PI4K2A: variants seen among roughly 807,000 people sequenced by gnomAD.
The protein encoded by PI4K2A is phosphatidylinositol 4-kinase type 2-alpha.
PI4K2A carries 20 observed loss-of-function variants against 55.0 expected under a neutral mutation model. The ratio of observed to expected loss-of-function variants is 0.36; its 90% CI spans 0.26 to 0.53. The LOEUF (loss-of-function observed/expected upper bound fraction) is 0.53, where lower values mean the gene tolerates loss of function less well. Ranked by LOEUF, PI4K2A falls within the 20% of genes least tolerant of loss-of-function variation. The probability of loss-of-function intolerance (pLI) is 0.91; values close to 1 mark genes in which losing one functional copy is unlikely to be tolerated. For missense variants in PI4K2A, 463 were observed against 637.1 expected (o/e 0.73, Z 2.94); for synonymous variants, 235 against 258.5 (o/e 0.91, Z 0.87).
intron 1 of PI4K2A, among the ~76,000 whole-genome samples, chr10:97,642,924 C>CCTTCCTTCCTTCCTTT (rs1554878143): frequency 8.8e-6 from 1 of 113,536 alleles, no homozygotes; most frequent in Non-Finnish European, 1.8e-5. Flanking sequence ...TTCCTTCCTT[C>CCTTCCTTCCTTCCTTT]CTTTCTTTCC....
At position 97,656,010 on chromosome 10, in the gene PI4K2A, C is replaced by T. The variant is rs902597024; in HGVS notation, c.637-275C>T. 6.6e-6 allele frequency among the ~76,000 whole-genome samples: 1 copy of T among 152,180 alleles called. No individual in the cohort carries two copies. The highest frequency in any genetic ancestry group is 2.4e-5 in the African/African-American group (1 of 41,446). On this transcript the variant is annotated intron_variant, in intron 2 of 8. Coordinates refer to ENST00000370631, the Ensembl canonical transcript of PI4K2A. This position sits in a 1 kb window ranked among gnomAD's most constrained non-coding sequence, Gnocchi z 4.5. ...TCTGCTATTTCCCAGCCCTTCTTTC[C>T]TAGCTGCACAGACTGGAGAATGTGA...
chr10:97,657,083 ATGTGTAGTTTTCAGAAG>A, intron 4 of PI4K2A, 109 bp downstream of exon 4: 1 of 1,061,214 alleles, frequency 9.4e-7, no homozygotes, highest in Non-Finnish European at 1.4e-6. Context: ...CAGACACATC[ATGTGTAGTTTTCAGAAG>A]TGGTGAGGCC....
At position 97,656,261 on chromosome 10, in the gene PI4K2A, AG is replaced by A. The variant is rs1407586048; in HGVS notation, c.637-23del. 6.2e-7 allele frequency: 1 copy of A among 1,603,288 alleles called. No individual in the cohort carries two copies. The highest frequency in any genetic ancestry group is 1.3e-5 in the African/African-American group (1 of 74,722). On this transcript the variant is annotated intron_variant, in intron 2 of 8. Coordinates refer to ENST00000370631, the Ensembl canonical transcript of PI4K2A. This position sits in a 1 kb window ranked among gnomAD's most constrained non-coding sequence, Gnocchi z 4.5. The stretch of plus-strand genomic sequence containing the variant: ...GTTCCTTAAACTTGACTCTAACCTT[AG>A]TATCTCTTCTCTTTCACTGTAGGTA...
chr10:97,642,850 C>CTTTCTTTCTGT (rs1491531542), intron 1 of PI4K2A, among the ~76,000 whole-genome samples: 1 of 80,344 alleles, frequency 1.2e-5, no homozygotes, highest in Non-Finnish European at 2.7e-5. Context: ...TTCCTTCCTT[C>CTTTCTTTCTGT]CTTTCTTTCT....
At chr10:97,673,255 T>C (rs903418891) in intron 8 of PI4K2A, among the ~76,000 whole-genome samples, 1 of 152,116 alleles carries the variant, frequency 6.6e-6, no homozygotes, top group African/African-American at 2.4e-5. Flanking sequence ...CCTCCCAAAG[T>C]GCTGGGATTA....
chr10:97,660,186 A>G lies in PI4K2A; in HGVS notation c.923-2721A>G, dbSNP rs1204022735. On this transcript the variant is annotated intron_variant, in intron 4 of 8. Coordinates refer to ENST00000370631, the Ensembl canonical transcript of PI4K2A. ...CCGGCTAATTTTTTGTATTTTTAGT[A>G]GAGATGGGGTTTCACCGTGTTAGCC... Among the ~76,000 whole-genome samples the G allele has an allele frequency of 2.0e-5, 3 of 148,518 alleles. No homozygotes were observed. In the East Asian group the frequency reaches 5.9e-4, roughly 29 times the overall value.
chr10:97,645,531 C>G (rs893929627), intron 1 of PI4K2A, among the ~76,000 whole-genome samples: 5 of 150,164 alleles, frequency 3.3e-5, no homozygotes, highest in Non-Finnish European at 5.9e-5. Flanking sequence ...TGGCGTGAAC[C>G]CGGGAGGCGG....
intron 4 of PI4K2A, among the ~76,000 whole-genome samples, chr10:97,658,674 T>C (rs1437610345): frequency 6.6e-6 from 1 of 152,248 alleles, no homozygotes; most frequent in Non-Finnish European, 1.5e-5. Flanking sequence ...CGAGGGTTCC[T>C]TCCAATTTCT....
exon 1 of PI4K2A, chr10:97,640,988 G>GGCTCTGGCC (rs1225232130): frequency 1.3e-6 from 2 of 1,537,338 alleles, no homozygotes; most frequent in Admixed American, 2.0e-5. Flanking sequence ...CGCAGGCCCA[G>GGCTCTGGCC]GCTCTGGCCG....
intron 1 of PI4K2A, among the ~76,000 whole-genome samples, chr10:97,647,905 G>A (rs1256000012): frequency 7.3e-6 from 1 of 136,524 alleles, no homozygotes; most frequent in East Asian, 2.1e-4. Context: ...TGGCCTTCAA[G>A]TTCTGCTTGC....
rs531311868 is a variant in PI4K2A, at chr10:97,648,155, A to G, written c.436-2786A>G. Among the ~76,000 whole-genome samples the G allele has an allele frequency of 3.4e-3, 489 of 143,352 alleles. 5 individuals are homozygous for G. Among genetic ancestry groups the G allele is most frequent in the African/African-American group, 0.012 (450 of 37,958 alleles). The allele number at this position is 143,352 out of a possible 152,430, so 94.0% of individuals were successfully genotyped here. A position where few individuals can be genotyped will look rare whatever the true frequency, so the allele number is the denominator to read the frequency against. ...ATTGCCCAGGCTGGAGTGCAATGGCATGATCTCGGCTCACTGCGACCTCCA... is the reference window on the plus strand; with the variant it reads ...ATTGCCCAGGCTGGAGTGCAATGGCGTGATCTCGGCTCACTGCGACCTCCA... On this transcript the variant is annotated intron_variant, in intron 1 of 8. Coordinates refer to ENST00000370631, the Ensembl canonical transcript of PI4K2A.
intron 4 of PI4K2A, among the ~76,000 whole-genome samples, chr10:97,662,300 T>A (rs908261369): frequency 6.6e-6 from 1 of 152,236 alleles, no homozygotes; most frequent in Non-Finnish European, 1.5e-5. Flanking sequence ...CTTGTTTCTT[T>A]GTGTACCTGG....
In PI4K2A at chr10:97,674,090, AAAAC is replaced by A. The variant is rs1335220195; in HGVS notation, c.*356_*359del. 6 of 192,142 alleles carry A rather than the reference AAAAC, an allele frequency of 3.1e-5. No homozygotes were observed. In the East Asian group the frequency reaches 7.5e-4, roughly 24 times the overall value. 11.9% of individuals were successfully genotyped at this position (192,142 alleles called of 1,614,324 possible). On this transcript the variant is annotated 3_prime_UTR_variant, in exon 9 of 9. Transcript: ENST00000370631. ...ATTCCCTATTATATTCTGCATCAGA[AAAAC>A]AAACAAAACAAAAACAACTTTAAAT...
intron 1 of PI4K2A, among the ~76,000 whole-genome samples, chr10:97,648,129 C>T (rs2041514318): frequency 7.1e-6 from 1 of 141,136 alleles, no homozygotes; most frequent in South Asian, 2.3e-4. Flanking sequence ...CTATTTCGCT[C>T]ATTGCCCAGG....
At chr10:97,664,176 C>T (rs2041599529) in intron 5 of PI4K2A, among the ~76,000 whole-genome samples, 1 of 152,162 alleles carries the variant, frequency 6.6e-6, no homozygotes, top group Admixed American at 6.5e-5. Flanking sequence ...TGGAGTAAAA[C>T]TCAGGATTCT....
intron 1 of PI4K2A, among the ~76,000 whole-genome samples, chr10:97,641,462 CAG>C (rs1047938561): frequency 4.7e-4 from 71 of 152,292 alleles, no homozygotes; most frequent in African/African-American, 1.6e-3. Flanking sequence ...CGCCGCTGGA[CAG>C]AGACTGCTTT....
At chr10:97,640,676 G>A (rs1309887974), upstream of PI4K2A, 7 of 1,203,518 alleles carry the variant, frequency 5.8e-6, no homozygotes, top group Non-Finnish European at 1.1e-6. Context: ...GGGATGTCAC[G>A]GATTGGTCGC....
At chr10:97,673,541 T>C in intron 8 of PI4K2A, 40 bp from the exon 9 acceptor site, 1 of 1,590,704 alleles carries the variant, frequency 6.3e-7, no homozygotes, top group Non-Finnish European at 8.6e-7. Flanking sequence ...TCTGGAATGC[T>C]GAGGCCTCTC....
intron 2 of PI4K2A, among the ~76,000 whole-genome samples, chr10:97,652,758 A>C (rs2041535478): frequency 6.6e-6 from 1 of 152,228 alleles, no homozygotes; most frequent in African/African-American, 2.4e-5. Context: ...TTAGCCAACT[A>C]GTTTGTAAGT....
Sources: allele counts gnomAD v4.1 joint callset (sites outside exome capture counted in the v4.1 genomes callset), GRCh38; gene constraint gnomAD v4.1.1; non-coding constraint Gnocchi (gnomAD v3.1); transcripts MANE v1.5; gene names NCBI Gene and HGNC (gene_info 2026-07-23, HGNC 2026-07-21).